The following BCL2L13 variants were observed in gnomAD, a reference collection of about 807,000 sequenced individuals.
BCL2L13 encodes BCL2 like 13.
Under a neutral mutation model 25.8 loss-of-function variants are expected in BCL2L13, and 13 were observed. The observed-to-expected ratio is 0.50, with a 90% CI of 0.33 to 0.80. BCL2L13 has a LOEUF of 0.80. BCL2L13 is among the 30% of genes least tolerant of loss of function. The pLI is 0.02. For synonymous variants in BCL2L13, 244 were observed against 230.3 expected (o/e 1.06, Z -0.54); for missense variants, 504 against 574.9 (o/e 0.88, Z 1.26).
At chr22:17,637,610 T>A (rs924400157), upstream of BCL2L13, among the ~76,000 whole-genome samples, 10 of 152,012 alleles carry the variant, frequency 6.6e-5, 1 homozygote, top group South Asian at 1.7e-3. Context: ...ACTCCTGACC[T>A]CAAGTGATCC....
intron 2 of BCL2L13, among the ~76,000 whole-genome samples, chr22:17,679,476 G>T (rs1183363154): frequency 2.0e-5 from 3 of 151,662 alleles, no homozygotes; most frequent in African/African-American, 7.3e-5. Flanking sequence ...CACCATGTTG[G>T]CCAGGCTGGT....
intron 6 of BCL2L13, chr22:17,702,932 C>G (rs1269007345): frequency 6.6e-6 from 1 of 152,122 alleles, no homozygotes; most frequent in Non-Finnish European, 1.5e-5. Flanking sequence ...GTGGGTGAAT[C>G]ACCTGAGGTC....
intron 1 of BCL2L13, among the ~76,000 whole-genome samples, chr22:17,641,196 GAT>G (rs1403009855): frequency 2.0e-5 from 3 of 148,926 alleles, no homozygotes; most frequent in African/African-American, 7.8e-5. Flanking sequence ...GGCCTAAATA[GAT>G]ATGTATTTTA....
intron 1 of BCL2L13, among the ~76,000 whole-genome samples, chr22:17,641,160 G>A (rs1489994821): frequency 2.0e-5 from 3 of 152,104 alleles, no homozygotes; most frequent in African/African-American, 7.2e-5. Context: ...AAAGTGCTGG[G>A]ATTACAGGCA....
At chr22:17,657,823 CTT>C (rs71201859) in intron 2 of BCL2L13, among the ~76,000 whole-genome samples, 4 of 85,772 alleles carry the variant, frequency 4.7e-5, no homozygotes, top group Non-Finnish European at 6.2e-5. Context: ...GTTGACATTT[CTT>C]TTTTTTTTTT....
chr22:17,674,001 A>T (rs2059498212), intron 2 of BCL2L13, among the ~76,000 whole-genome samples: 1 of 152,196 alleles, frequency 6.6e-6, no homozygotes, highest in Non-Finnish European at 1.5e-5. Flanking sequence ...CATATTTCAC[A>T]CAAGTCTAGG....
chr22:17,661,865 C>T (rs1255919418), intron 2 of BCL2L13, among the ~76,000 whole-genome samples: 2 of 151,068 alleles, frequency 1.3e-5, no homozygotes, highest in East Asian at 3.9e-4. Flanking sequence ...GTGGCGCACA[C>T]CTGTAATCCC....
At chr22:17,635,352 A>C (rs559745815), upstream of BCL2L13, among the ~76,000 whole-genome samples, 14 of 152,320 alleles carry the variant, frequency 9.2e-5, no homozygotes, top group Admixed American at 8.5e-4. Flanking sequence ...CCTAGCCAAC[A>C]TGGTGAAACC....
At chr22:17,635,195 C>T (rs2058084838), upstream of BCL2L13, among the ~76,000 whole-genome samples, 1 of 151,140 alleles carries the variant, frequency 6.6e-6, no homozygotes, top group African/African-American at 2.4e-5. Flanking sequence ...CAAGACCAGC[C>T]TGGACAACAC....
In BCL2L13 at chr22:17,730,430, G is replaced by A. The variant is rs1485041466; in HGVS notation, c.*2896G>A. 6.6e-6 allele frequency: 1 copy of A among 152,152 alleles called. No homozygotes were observed. Among genetic ancestry groups the A allele is most frequent in the Non-Finnish European group, 1.5e-5 (1 of 68,042 alleles). 9.4% of individuals were successfully genotyped at this position (152,152 alleles called of 1,614,324 possible). On this transcript the variant is annotated 3_prime_UTR_variant, in exon 7 of 7. Transcript: ENST00000317582. ...GGCTTGTCCTGGGGGAGTGAGCCGT[G>A]AACCTGGAGACATGGCTTTGACCCA...
chr22:17,661,063 C>G (rs938261408), intron 2 of BCL2L13, among the ~76,000 whole-genome samples: 16 of 145,698 alleles, frequency 1.1e-4, no homozygotes, highest in African/African-American at 3.9e-4. Flanking sequence ...CAGGCATGAG[C>G]TTCTGCACCT....
chr22:17,635,918 C>T (rs1467340153), upstream of BCL2L13, among the ~76,000 whole-genome samples: 2 of 146,234 alleles, frequency 1.4e-5, no homozygotes, highest in Non-Finnish European at 1.5e-5. Context: ...ACTGTGTTGG[C>T]CAGGATGGTC....
chr22:17,717,602 AT>A (rs1309400522), intron 6 of BCL2L13, among the ~76,000 whole-genome samples: 1 of 152,046 alleles, frequency 6.6e-6, no homozygotes, highest in Non-Finnish European at 1.5e-5. Flanking sequence ...CTGTTACTGT[AT>A]TTTAAACTCT....
intron 6 of BCL2L13, 145 bp downstream of exon 6, chr22:17,702,531 A>C: frequency 1.3e-6 from 1 of 741,744 alleles, no homozygotes; most frequent in Admixed American, 3.8e-5. Context: ...TCGGTCTCAA[A>C]CTCCTGGGCT....
chr22:17,669,386 G>T lies in BCL2L13; in HGVS notation c.121+13554G>T, dbSNP rs1270309005. ...AGCATGGCACTGGCGTCTGCATCTG[G>T]TGAGGGCCTCAAACTGCTTCCACTC... is the stretch of plus-strand genomic sequence containing the variant. On this transcript the variant is annotated intron_variant, in intron 2 of 6. Coordinates refer to ENST00000317582, the MANE Select transcript of BCL2L13 (RefSeq NM_015367.4). Among the ~76,000 whole-genome samples, 3 of 152,160 alleles carry T rather than the reference G, an allele frequency of 2.0e-5. No homozygotes were observed. The East Asian group carries it at 5.8e-4, about 29-fold the overall frequency.
intron 2 of BCL2L13, among the ~76,000 whole-genome samples, chr22:17,670,685 G>A (rs994227473): frequency 6.6e-6 from 1 of 152,154 alleles, no homozygotes; most frequent in African/African-American, 2.4e-5. Context: ...TTTCAAGGCA[G>A]ATTTGTATAA....
intron 6 of BCL2L13, among the ~76,000 whole-genome samples, chr22:17,710,794 A>G (rs4819462): frequency 0.86 from 129,734 of 151,726 alleles, 55,606 homozygotes; most frequent in East Asian, 0.94. Context: ...GGAGAATGGT[A>G]TGAATCCAAG....
intron 2 of BCL2L13, among the ~76,000 whole-genome samples, chr22:17,675,691 A>G (rs944234475): frequency 6.6e-6 from 1 of 152,244 alleles, no homozygotes; most frequent in Non-Finnish European, 1.5e-5. Context: ...AGGCAAGTCC[A>G]TTAGAGGCAA....
intron 1 of BCL2L13, among the ~76,000 whole-genome samples, chr22:17,645,029 T>G (rs1332861902): frequency 1.3e-5 from 2 of 150,344 alleles, no homozygotes; most frequent in East Asian, 3.9e-4. Flanking sequence ...CAGGATGGTC[T>G]CGATCTCCTA....
Sources: allele counts gnomAD v4.1 joint callset (sites outside exome capture counted in the v4.1 genomes callset), GRCh38; gene constraint gnomAD v4.1.1; transcripts MANE v1.5; gene names NCBI Gene and HGNC (gene_info 2026-07-23, HGNC 2026-07-21).